TRMT11: variants seen among roughly 807,000 people sequenced by gnomAD.
TRMT11 encodes tRNA methyltransferase 11, also known as tRNA (guanine(10)-N(2))-methyltransferase TRMT11.
A neutral mutation model predicts 62.8 loss-of-function variants in TRMT11; 53 were observed. The ratio of observed to expected loss-of-function variants is 0.84; its 90% CI spans 0.68 to 1.06. The LOEUF (loss-of-function observed/expected upper bound fraction) is 1.06. Among genes scored for constraint, TRMT11 ranks in the 50% least tolerant of loss-of-function variants. The pLI is 0.00. For missense variants in TRMT11, 556 were observed against 553.4 expected (o/e 1.00, Z -0.05); for synonymous variants, 188 against 190.3 (o/e 0.99, Z 0.10).
intron 1 of TRMT11, among the ~76,000 whole-genome samples, chr6:125,988,878 G>C (rs1291272143): frequency 2.0e-5 from 3 of 152,130 alleles, no homozygotes; most frequent in Non-Finnish European, 4.4e-5. Flanking sequence ...TTAATGTTTT[G>C]AGTTTCTGGA....
chr6:126,059,701 T>C (rs922148431), intron 17 of TRMT11, among the ~76,000 whole-genome samples: 5 of 152,208 alleles, frequency 3.3e-5, no homozygotes, highest in Non-Finnish European at 7.3e-5. Flanking sequence ...GTGAGTAATA[T>C]GGAGGTGGGA....
At chr6:126,129,374 T>C (rs1777755064) in intron 21 of TRMT11, among the ~76,000 whole-genome samples, 2 of 152,154 alleles carry the variant, frequency 1.3e-5, no homozygotes, top group African/African-American at 4.8e-5. Context: ...GAATACTCAC[T>C]AATGTTAACT....
intron 3 of TRMT11, among the ~76,000 whole-genome samples, chr6:125,996,856 C>T (rs1002454050): frequency 1.3e-5 from 2 of 152,048 alleles, no homozygotes; most frequent in Admixed American, 6.5e-5. Flanking sequence ...TGTTGTATTA[C>T]GGAATTGGAC....
intron 12 of TRMT11, among the ~76,000 whole-genome samples, chr6:126,037,253 C>T (rs1348514010): frequency 1.3e-5 from 2 of 152,022 alleles, no homozygotes; most frequent in Non-Finnish European, 2.9e-5. Context: ...TGGACCTGTA[C>T]TCTTAAGTAA....
chr6:126,236,770 T>C, the TRMT11 span, among the ~76,000 whole-genome samples: 2 of 152,216 alleles, frequency 1.3e-5, no homozygotes, highest in African/African-American at 4.8e-5. Context: ...GGCTGTGTAG[T>C]ACCACAGCAT....
intron 17 of TRMT11, among the ~76,000 whole-genome samples, chr6:126,101,063 A>C (rs1342956892): frequency 6.6e-6 from 1 of 152,138 alleles, no homozygotes; most frequent in Non-Finnish European, 1.5e-5. Context: ...TAATGTGAGC[A>C]GTGGGGAGCA....
intron 8 of TRMT11, 97 bp from the exon 9 acceptor site, chr6:126,011,156 G>T: frequency 1.0e-6 from 1 of 1,003,834 alleles, no homozygotes. Flanking sequence ...TTGAATAAAT[G>T]TAGGTTTCAG....
the TRMT11 span, among the ~76,000 whole-genome samples, chr6:126,242,164 T>C: frequency 6.6e-6 from 1 of 152,168 alleles, no homozygotes; most frequent in African/African-American, 2.4e-5. Flanking sequence ...AGCCAAATCA[T>C]GAGTGAACTC....
intron 21 of TRMT11, among the ~76,000 whole-genome samples, chr6:126,158,307 A>G (rs997116861): frequency 5.3e-5 from 8 of 152,062 alleles, no homozygotes; most frequent in African/African-American, 1.2e-4. Context: ...AAAGTTTCCC[A>G]TGGTCTGGAC....
At chr6:126,268,451 G>T in the TRMT11 span, among the ~76,000 whole-genome samples, 1 of 152,170 alleles carries the variant, frequency 6.6e-6, no homozygotes, top group South Asian at 2.1e-4. Context: ...CTGGGATGAG[G>T]GGGCATACCA....
chr6:126,013,126 A>C, intron 11 of TRMT11, 25 bp downstream of exon 11: 1 of 1,577,802 alleles, frequency 6.3e-7, no homozygotes, highest in Non-Finnish European at 8.6e-7. Context: ...TTTTATTTTT[A>C]ATTTCATTTT....
At chr6:126,079,771 G>T (rs949527181) in intron 17 of TRMT11, among the ~76,000 whole-genome samples, 8 of 152,126 alleles carry the variant, frequency 5.3e-5, no homozygotes, top group Admixed American at 2.0e-4. Flanking sequence ...GTTGGTGAAG[G>T]GATCACCAGC....
chr6:126,080,713 A>G (rs760490931), intron 17 of TRMT11, among the ~76,000 whole-genome samples: 9 of 152,146 alleles, frequency 5.9e-5, no homozygotes, highest in Non-Finnish European at 1.0e-4. Context: ...TAAACTACTC[A>G]CGGTAGCCCA....
intron 17 of TRMT11, among the ~76,000 whole-genome samples, chr6:126,058,076 G>A (rs908702511): frequency 6.6e-6 from 1 of 151,972 alleles, no homozygotes; most frequent in Non-Finnish European, 1.5e-5. Context: ...CACTACATTA[G>A]GTATTTCTCC....
downstream of TRMT11, among the ~76,000 whole-genome samples, chr6:126,040,112 T>A (rs1282136219): frequency 6.6e-6 from 1 of 152,118 alleles, no homozygotes; most frequent in East Asian, 1.9e-4. Flanking sequence ...TTCGAGGTTA[T>A]ATGGGAGGTG....
At chr6:126,044,151 A>T (rs578198971), downstream of TRMT11, among the ~76,000 whole-genome samples, 40 of 151,948 alleles carry the variant, frequency 2.6e-4, no homozygotes, top group East Asian at 5.0e-3. Flanking sequence ...CTGAATGGTA[A>T]TGCCTAGGTT....
At chr6:126,177,780 A>G (rs959273236) in intron 1 of TRMT11, among the ~76,000 whole-genome samples, 2 of 151,830 alleles carry the variant, frequency 1.3e-5, no homozygotes, top group Non-Finnish European at 2.9e-5. Context: ...AAATTGCACG[A>G]TTTTTTCATT....
chr6:126,043,388 A>C (rs1402512610), downstream of TRMT11, among the ~76,000 whole-genome samples: 3 of 151,016 alleles, frequency 2.0e-5, no homozygotes, highest in South Asian at 2.1e-4. Flanking sequence ...TGAACTCATC[A>C]TTTTTTATGG....
At chr6:126,262,076 G>A in the TRMT11 span, among the ~76,000 whole-genome samples, 1 of 152,240 alleles carries the variant, frequency 6.6e-6, no homozygotes, top group Non-Finnish European at 1.5e-5. Context: ...TGGGTTAAGT[G>A]AAGGTTCATG....
Sources: allele counts gnomAD v4.1 joint callset (sites outside exome capture counted in the v4.1 genomes callset), GRCh38; gene constraint gnomAD v4.1.1; transcripts MANE v1.5; gene names NCBI Gene and HGNC (gene_info 2026-07-23, HGNC 2026-07-21).